CYP4X1: variants seen among roughly 807,000 people sequenced by gnomAD.
The protein encoded by CYP4X1 is cytochrome P450 4X1.
In CYP4X1, 44 loss-of-function variants were observed where a neutral mutation model predicts 57.9. That is an observed-to-expected ratio of 0.76 (90% CI 0.60 to 0.98). The LOEUF (loss-of-function observed/expected upper bound fraction) is 0.98, where lower values mean the gene tolerates loss of function less well. CYP4X1 is among the 50% of genes least tolerant of loss of function. The probability of loss-of-function intolerance (pLI) is 0.00; values close to 1 mark genes in which losing one functional copy is unlikely to be tolerated. For missense variants in CYP4X1, 532 were observed against 623.9 expected (o/e 0.85, Z 1.57); for synonymous variants, 227 against 228.6 (o/e 0.99, Z 0.06).
At chr1:47,009,292 A>G in the CYP4X1 span, among the ~76,000 whole-genome samples, 92 of 151,886 alleles carry the variant, frequency 6.1e-4, no homozygotes, top group African/African-American at 2.0e-3. Context: ...AAACTGAACA[A>G]CCTGCTCCTG....
chr1:47,050,006 C>T lies in CYP4X1; in HGVS notation c.1362C>T (p.Cys454=), dbSNP rs773981907. 1.9e-6 allele frequency: 3 copies of T among 1,613,216 alleles called. No homozygotes were observed. The highest frequency in any genetic ancestry group is 2.7e-5 in the African/African-American group (2 of 74,850). Residue 454 remains cysteine, a synonymous_variant, in exon 12 of 12, where the codon TGC becomes TGT. Transcript: ENST00000371901. ...YLPFSAGSRN[C]IGQEFAMIEL... ...CTTTCCCTCTTGTCTTCAGGAACTG[C>T]ATTGGGCAGGAGTTTGCCATGATTG...
intron 6 of CYP4X1, among the ~76,000 whole-genome samples, chr1:47,037,563 G>T (rs1644198955): frequency 6.6e-6 from 1 of 151,924 alleles, no homozygotes; most frequent in Non-Finnish European, 1.5e-5. Flanking sequence ...AGCACTAATG[G>T]CTTCTTAGAT....
the CYP4X1 span, among the ~76,000 whole-genome samples, chr1:46,985,105 G>T: frequency 6.6e-6 from 1 of 152,150 alleles, no homozygotes; most frequent in Non-Finnish European, 1.5e-5. Flanking sequence ...GTTCCAACTG[G>T]GCAGAGCCCT....
chr1:46,961,716 C>A, the CYP4X1 span: 1 of 1,303,788 alleles, frequency 7.7e-7, no homozygotes, highest in Non-Finnish European at 1.0e-6. Flanking sequence ...CTTGCAGAAC[C>A]TCAAGCCCTA....
rs193178873 is a variant in CYP4X1 at position 47,026,530 on chromosome 1, A to T, written c.177+2536A>T. Among the ~76,000 whole-genome samples the T allele has an allele frequency of 1.4e-3, 212 of 152,210 alleles. 1 individual carries two copies. The highest frequency in any genetic ancestry group is 2.0e-3 in the Non-Finnish European group (133 of 68,014). ...TTATTTTGGCTGTTTGGAATCCTTG[A>T]GTTTCTATACAAATTTTAGACTCAG... On this transcript the variant is annotated intron_variant, in intron 1 of 11. Coordinates refer to ENST00000371901, the MANE Select transcript of CYP4X1 (RefSeq NM_178033.2).
chr1:47,008,227 G>A, the CYP4X1 span, among the ~76,000 whole-genome samples: 1 of 152,148 alleles, frequency 6.6e-6, no homozygotes, highest in East Asian at 1.9e-4. Context: ...CTGATCTCTC[G>A]GCACAAACTC....
downstream of CYP4X1, among the ~76,000 whole-genome samples, chr1:47,053,243 G>T (rs1179639655): frequency 6.6e-6 from 1 of 152,128 alleles, no homozygotes; most frequent in Admixed American, 6.5e-5. Flanking sequence ...CAAAGGACAT[G>T]AACTCATCCT....
At chr1:47,014,650 A>G in the CYP4X1 span, among the ~76,000 whole-genome samples, 3 of 152,154 alleles carry the variant, frequency 2.0e-5, no homozygotes, top group Non-Finnish European at 4.4e-5. Flanking sequence ...TTTGTAACTC[A>G]TCATTCATCT....
intron 1 of CYP4X1, among the ~76,000 whole-genome samples, chr1:47,026,537 A>G (rs1644067143): frequency 6.6e-6 from 1 of 152,132 alleles, no homozygotes; most frequent in Admixed American, 6.5e-5. Context: ...TTGAGTTTCT[A>G]TACAAATTTT....
chr1:47,055,247 C>G (rs1003771932), downstream of CYP4X1, among the ~76,000 whole-genome samples: 1 of 152,284 alleles, frequency 6.6e-6, no homozygotes, highest in South Asian at 2.1e-4. Flanking sequence ...GTTGAACCAG[C>G]CTTTCATCCC....
intron 4 of CYP4X1, among the ~76,000 whole-genome samples, chr1:47,035,044 A>C (rs1176263191): frequency 6.6e-6 from 1 of 151,236 alleles, no homozygotes; most frequent in Non-Finnish European, 1.5e-5. Flanking sequence ...GTGGTTGCCA[A>C]GTCTCTGAAA....
intron 11 of CYP4X1, 23 bp downstream of exon 11, chr1:47,049,527 G>A: frequency 6.3e-7 from 1 of 1,598,942 alleles, no homozygotes; most frequent in Non-Finnish European, 8.6e-7. Flanking sequence ...TGAAGTTGCT[G>A]AAAGTACCCA....
At chr1:47,022,483 G>A (rs1450328249), upstream of CYP4X1, among the ~76,000 whole-genome samples, 1 of 151,908 alleles carries the variant, frequency 6.6e-6, no homozygotes, top group Non-Finnish European at 1.5e-5. Flanking sequence ...TAGAGATGGG[G>A]TTTCACCATC....
downstream of CYP4X1, among the ~76,000 whole-genome samples, chr1:47,052,871 C>G (rs1196904074): frequency 6.6e-6 from 1 of 152,036 alleles, no homozygotes. Flanking sequence ...TGTGATTTGT[C>G]TGTACACTGT....
chr1:47,019,118 G>C (rs1827473), upstream of CYP4X1, among the ~76,000 whole-genome samples: 43,484 of 152,122 alleles, frequency 0.29, 7,104 homozygotes, highest in East Asian at 0.7. Flanking sequence ...ATGTCTATGT[G>C]TAAGTGTGCA....
downstream of CYP4X1, among the ~76,000 whole-genome samples, chr1:47,052,556 A>G (rs1397315373): frequency 6.6e-6 from 1 of 152,088 alleles, no homozygotes; most frequent in African/African-American, 2.4e-5. Flanking sequence ...TCACCATGGT[A>G]CTCTTCAAGC....
chr1:47,006,409 A>G, the CYP4X1 span, among the ~76,000 whole-genome samples: 2 of 152,238 alleles, frequency 1.3e-5, no homozygotes, highest in African/African-American at 4.8e-5. Flanking sequence ...ATTAGTGAGA[A>G]AAAGAATAAC....
the CYP4X1 span, among the ~76,000 whole-genome samples, chr1:46,985,991 CA>C: frequency 2.3e-4 from 35 of 152,244 alleles, no homozygotes; most frequent in Non-Finnish European, 3.5e-4. Flanking sequence ...TCCTCACCAG[CA>C]AGGGAACAAA....
At chr1:47,052,321 G>C (rs1205970466), downstream of CYP4X1, among the ~76,000 whole-genome samples, 1 of 151,956 alleles carries the variant, frequency 6.6e-6, no homozygotes, top group Non-Finnish European at 1.5e-5. Flanking sequence ...TGTTAAATAA[G>C]AAGACAGAAA....
Sources: allele counts gnomAD v4.1 joint callset (sites outside exome capture counted in the v4.1 genomes callset), GRCh38; gene constraint gnomAD v4.1.1; transcripts MANE v1.5; gene names NCBI Gene and HGNC (gene_info 2026-07-23, HGNC 2026-07-21).